WIPF3: variants seen among roughly 807,000 people sequenced by gnomAD.
WIPF3 encodes WAS/WASL-interacting protein family member 3.
A neutral mutation model predicts 38.9 loss-of-function variants in WIPF3; 33 were observed. That is an observed-to-expected ratio of 0.85 (90% CI 0.64 to 1.14). WIPF3 has a LOEUF of 1.14. Among genes scored for constraint, WIPF3 ranks in the 50% most tolerant of loss-of-function variants. The pLI is 0.00. For missense variants in WIPF3, 711 were observed against 652.5 expected, an observed-to-expected ratio of 1.09 and a Z score of -0.98; for synonymous variants, 324 against 269.3, an observed-to-expected ratio of 1.20 and a Z score of -1.99.
At chr7:29,912,211 C>A (rs1158594901) in intron 8 of WIPF3, among the ~76,000 whole-genome samples, 1 of 152,100 alleles carries the variant, frequency 6.6e-6, no homozygotes, top group Non-Finnish European at 1.5e-5. Flanking sequence ...AAATAAAAAT[C>A]AAAATTACAA....
intron 2 of WIPF3, among the ~76,000 whole-genome samples, chr7:29,864,524 A>G (rs1463505024): frequency 2.0e-5 from 3 of 152,234 alleles, no homozygotes; most frequent in African/African-American, 4.8e-5. Flanking sequence ...AAAATCTCTG[A>G]AAGACAATAC....
In WIPF3 at chr7:29,811,764, G is replaced by A. The variant is rs141009210; in HGVS notation, c.-58+5086G>A. ...AGTGTTTCCTAGAACTTTATTGACTGCAGTTCCGGAGACATAATCCCACAC... is the reference window on the plus strand; with the variant it reads ...AGTGTTTCCTAGAACTTTATTGACTACAGTTCCGGAGACATAATCCCACAC... On this transcript the variant is annotated intron_variant, in intron 1 of 8. Coordinates refer to ENST00000242140, the MANE Select transcript of WIPF3 (RefSeq NM_001080529.3). Among the ~76,000 whole-genome samples, 799 of 152,320 alleles carry A rather than the reference G, an allele frequency of 5.2e-3. 5 individuals carry two copies. Among genetic ancestry groups the A allele is most frequent in the African/African-American group, 0.018 (738 of 41,554 alleles).
intron 7 of WIPF3, among the ~76,000 whole-genome samples, chr7:29,900,266 G>A (rs1338789724): frequency 1.3e-5 from 2 of 152,138 alleles, no homozygotes; most frequent in African/African-American, 4.8e-5. Flanking sequence ...AGTGGTTATC[G>A]CTCAATGGTG....
intron 2 of WIPF3, among the ~76,000 whole-genome samples, chr7:29,858,541 C>T (rs1335926670): frequency 6.6e-6 from 1 of 152,220 alleles, no homozygotes; most frequent in African/African-American, 2.4e-5. Context: ...TATTCTGTTA[C>T]AATGTACTTC....
chr7:29,809,410 C>G (rs1784336357), intron 1 of WIPF3, among the ~76,000 whole-genome samples: 1 of 152,222 alleles, frequency 6.6e-6, no homozygotes, highest in African/African-American at 2.4e-5. Flanking sequence ...TGCCTTGTCA[C>G]AGTGGTGCTT....
At chr7:29,809,083 A>G (rs1269318729) in intron 1 of WIPF3, among the ~76,000 whole-genome samples, 3 of 152,270 alleles carry the variant, frequency 2.0e-5, no homozygotes, top group Non-Finnish European at 4.4e-5. Flanking sequence ...TTTAATATAT[A>G]TGAACTTTGG....
chr7:29,883,014 G>A (rs174964), intron 4 of WIPF3, among the ~76,000 whole-genome samples: 117,381 of 152,154 alleles, frequency 0.77, 45,815 homozygotes, highest in East Asian at 0.94. Context: ...GGTGAGAACT[G>A]GCAAAAAGGT....
intron 1 of WIPF3, among the ~76,000 whole-genome samples, chr7:29,821,018 C>T (rs1343949793): frequency 6.6e-6 from 1 of 152,198 alleles, no homozygotes; most frequent in East Asian, 1.9e-4. Flanking sequence ...TAATTCAATA[C>T]TTACTGCCAT....
intron 7 of WIPF3, among the ~76,000 whole-genome samples, chr7:29,894,765 A>G (rs1003179696): frequency 2.8e-4 from 7 of 25,424 alleles, no homozygotes; most frequent in African/African-American, 8.1e-4. Flanking sequence ...TCTCTTTCTG[A>G]CACACACACA....
chr7:29,914,686 C>T lies in WIPF3; in HGVS notation c.*170C>T. On this transcript the variant is annotated 3_prime_UTR_variant, in exon 9 of 9. Transcript: ENST00000242140. ...GGCTTTAAAGCAGTATTTTAATTGACTTTTATTTCGGTAATATTTTTTAAA... is the reference window on the plus strand; with the variant it reads ...GGCTTTAAAGCAGTATTTTAATTGATTTTTATTTCGGTAATATTTTTTAAA... The T allele has an allele frequency of 6.6e-6, 3 of 451,254 alleles. No homozygotes were observed. Among genetic ancestry groups the T allele is most frequent in the Non-Finnish European group, 1.2e-5 (3 of 257,444 alleles). The allele number at this position is 451,254 out of a possible 1,614,324, so 28.0% of individuals were successfully genotyped here. A position where few individuals can be genotyped will look rare whatever the true frequency, so the allele number is the denominator to read the frequency against.
chr7:29,808,409 G>A (rs879834005), intron 1 of WIPF3, among the ~76,000 whole-genome samples: 4 of 152,200 alleles, frequency 2.6e-5, no homozygotes, highest in Non-Finnish European at 5.9e-5. Flanking sequence ...TTGTTATTGT[G>A]CCTTTTTTAC....
chr7:29,895,347 T>G (rs1786118110), intron 7 of WIPF3, among the ~76,000 whole-genome samples: 1 of 152,220 alleles, frequency 6.6e-6, no homozygotes, highest in African/African-American at 2.4e-5. Flanking sequence ...AAAAAGAATT[T>G]AAAACTAGTG....
intron 7 of WIPF3, among the ~76,000 whole-genome samples, chr7:29,894,764 G>GAC (rs34105700): frequency 0.47 from 69,549 of 147,874 alleles, 17,308 homozygotes; most frequent in Middle Eastern, 0.59. Context: ...CTCTCTTTCT[G>GAC]ACACACACAC....
At chr7:29,827,947 C>T (rs1784650104) in intron 1 of WIPF3, among the ~76,000 whole-genome samples, 1 of 152,064 alleles carries the variant, frequency 6.6e-6, no homozygotes, top group Admixed American at 6.5e-5. Flanking sequence ...AGGTGTGCAC[C>T]ACCACACTTG....
At chr7:29,860,942 G>A (rs1287900665) in intron 2 of WIPF3, among the ~76,000 whole-genome samples, 1 of 151,978 alleles carries the variant, frequency 6.6e-6, no homozygotes, top group Non-Finnish European at 1.5e-5. Context: ...GTGGGGGTGG[G>A]GCAGAGATTA....
At chr7:29,817,519 G>A (rs1784474681) in intron 1 of WIPF3, among the ~76,000 whole-genome samples, 1 of 151,860 alleles carries the variant, frequency 6.6e-6, no homozygotes, top group Admixed American at 6.6e-5. Context: ...TTAATGTAAG[G>A]CATGAGATCC....
At chr7:29,872,564 C>A (rs1186029350) in intron 2 of WIPF3, among the ~76,000 whole-genome samples, 1 of 151,846 alleles carries the variant, frequency 6.6e-6, no homozygotes, top group Non-Finnish European at 1.5e-5. Flanking sequence ...GAGGCCGAGG[C>A]GGGCGGATCA....
intron 1 of WIPF3, among the ~76,000 whole-genome samples, chr7:29,807,893 A>T (rs1399214347): frequency 6.6e-6 from 1 of 152,122 alleles, no homozygotes; most frequent in Non-Finnish European, 1.5e-5. Flanking sequence ...CTTCACAGGG[A>T]GGACTGGGAG....
chr7:29,912,165 A>G (rs1446532423), intron 8 of WIPF3, among the ~76,000 whole-genome samples: 1 of 152,250 alleles, frequency 6.6e-6, no homozygotes, highest in Non-Finnish European at 1.5e-5. Context: ...GCCAATGAGC[A>G]TAGGAAAAGT....
Sources: allele counts gnomAD v4.1 joint callset (sites outside exome capture counted in the v4.1 genomes callset), GRCh38; gene constraint gnomAD v4.1.1; transcripts MANE v1.5; gene names NCBI Gene and HGNC (gene_info 2026-07-23, HGNC 2026-07-21).